Variants in UNC45A observed in about 807,000 individuals in gnomAD.
UNC45A encodes the protein protein unc-45 homolog A.
In UNC45A, 78 loss-of-function variants were observed where a neutral mutation model predicts 103.2. That is an observed-to-expected ratio of 0.76 (90% CI 0.63 to 0.91). The LOEUF (loss-of-function observed/expected upper bound fraction) is 0.91, where lower values mean the gene tolerates loss of function less well. UNC45A is among the 40% of genes least tolerant of loss of function. The pLI, the probability that UNC45A is intolerant of heterozygous loss-of-function variation, is 0.00. For missense variants in UNC45A, 1,193 were observed against 1,224.8 expected, an observed-to-expected ratio of 0.97 and a Z score of 0.39; for synonymous variants, 495 against 504.6, an observed-to-expected ratio of 0.98 and a Z score of 0.25.
rs2037072329 is a variant in UNC45A, at chr15:90,953,832, C to T, written c.*116C>T. The stretch of plus-strand genomic sequence containing the variant: ...GGCATGCCCAATACTCTTGCCCATC[C>T]TCGCTTGCTGCCCTAGGATGTCCTC... On this transcript the variant is annotated 3_prime_UTR_variant, in exon 20 of 20. Coordinates refer to ENST00000418476, the MANE Select transcript of UNC45A (RefSeq NM_018671.5). 1 of 1,421,808 alleles carries T rather than the reference C, an allele frequency of 7.0e-7. No individual in the cohort carries two copies. The allele number at this position is 1,421,808 out of a possible 1,614,324, so 88.1% of individuals were successfully genotyped here.
intron 15 of UNC45A, 136 bp downstream of exon 15, chr15:90,949,856 TGAGA>T (rs952442859): frequency 1.0e-6 from 1 of 970,360 alleles, no homozygotes; most frequent in African/African-American, 1.6e-5. Flanking sequence ...ACCGTCCCGC[TGAGA>T]GAGTGACGCG....
At chr15:90,949,924 C>A in intron 15 of UNC45A, 1 of 671,942 alleles carries the variant, frequency 1.5e-6, no homozygotes, top group Non-Finnish European at 2.5e-6. Context: ...AGGTCCTAGG[C>A]TCTACTGTTC....
At chr15:90,947,433 C>T in intron 10 of UNC45A, 1 of 296,104 alleles carries the variant, frequency 3.4e-6, no homozygotes, top group Non-Finnish European at 6.5e-6. Context: ...AAGGATTTGG[C>T]TGTGGCTGAA....
At position 90,949,997 on chromosome 15, in the gene UNC45A, G is replaced by GT. The variant is rs2036804599; in HGVS notation, c.2074-156dup. 9 of 712,788 alleles carry GT rather than the reference G, an allele frequency of 1.3e-5. No homozygotes were observed. In the South Asian group the frequency reaches 1.6e-4, roughly 13 times the overall value. 44.2% of individuals were successfully genotyped at this position (712,788 alleles called of 1,614,324 possible). On this transcript the variant is annotated intron_variant, in intron 15 of 19. Coordinates refer to ENST00000418476, the MANE Select transcript of UNC45A (RefSeq NM_018671.5). ...ACAATCCATGTCCAGCCCTTATTAG[G>GT]TGTTTCAGGAAGTGTTTGGATGCAG... is the stretch of plus-strand genomic sequence containing the variant.
At chr15:90,935,091 C>T (rs993789127), upstream of UNC45A, 2 of 580,300 alleles carry the variant, frequency 3.4e-6, no homozygotes, top group Non-Finnish European at 6.1e-6. Flanking sequence ...CCGCCGCGAG[C>T]TCCCTGCAGG....
chr15:90,939,690 C>T lies in UNC45A; in HGVS notation c.427-41C>T, dbSNP rs561753847. On this transcript the variant is annotated intron_variant, in intron 4 of 19. Coordinates refer to ENST00000418476, the MANE Select transcript of UNC45A (RefSeq NM_018671.5). ...GAATAGGGAGTGTGATGTCTCTGGC[C>T]AAGAGCCGTGATTTGTTCCATGCTT... 9.3e-5 allele frequency: 149 copies of T among 1,607,444 alleles called. 1 individual carries two copies. The South Asian group carries it at 1.2e-3, about 13-fold the overall frequency.
chr15:90,946,587 T>G, intron 9 of UNC45A, 27 bp from the exon 10 acceptor site: 1 of 1,571,214 alleles, frequency 6.4e-7, no homozygotes, highest in Admixed American at 1.8e-5. Context: ...GGCCTTGGTG[T>G]GACGGCTGTC....
chr15:90,948,057 A>G, intron 11 of UNC45A, 85 bp from the exon 12 acceptor site: 1 of 1,583,522 alleles, frequency 6.3e-7, no homozygotes. Context: ...GGGATGCCCA[A>G]ACCCTTGGTT....
intron 8 of UNC45A, 74 bp downstream of exon 8, chr15:90,943,156 T>C: frequency 6.6e-7 from 1 of 1,505,304 alleles, no homozygotes; most frequent in Non-Finnish European, 8.9e-7. Flanking sequence ...TAAGAAAAGT[T>C]GTGAGTGGGG....
chr15:90,940,069 C>T (rs770254742), intron 5 of UNC45A, among the ~76,000 whole-genome samples: 2 of 152,262 alleles, frequency 1.3e-5, no homozygotes, highest in Non-Finnish European at 2.9e-5. Flanking sequence ...AACTGAGGCA[C>T]TGTCCCAGCC....
intron 3 of UNC45A, 39 bp downstream of exon 3, chr15:90,936,021 T>C: frequency 1.9e-6 from 3 of 1,612,684 alleles, no homozygotes; most frequent in Non-Finnish European, 2.5e-6. Flanking sequence ...GCTGTAGGGC[T>C]TCTGTGGTGG....
intron 1 of UNC45A, 51 bp from the exon 2 acceptor site, chr15:90,935,493 G>A (rs760333448): frequency 8.3e-6 from 13 of 1,572,462 alleles, no homozygotes; most frequent in Non-Finnish European, 2.6e-6. Flanking sequence ...CTTAGCTCCC[G>A]GGCTCTGCCC....
intron 3 of UNC45A, 73 bp from the exon 4 acceptor site, chr15:90,936,212 A>G (rs2036010118): frequency 6.5e-7 from 1 of 1,545,392 alleles, no homozygotes; most frequent in Admixed American, 2.1e-5. Flanking sequence ...CCTTTCCTCG[A>G]GATCTTTCCC....
In UNC45A at chr15:90,935,367, AC is replaced by A; in HGVS notation, c.48del (p.Ala18ProfsTer85). 6.3e-7 allele frequency: 1 copy of A among 1,585,346 alleles called. No homozygotes were observed. Reference sequence around the variant, plus strand: ...AGGGACCCCCGAGCCCCGGCCGGCCACCCCCGGGGTGCGTACCCAACCCCCG... The same window carrying A: ...AGGGACCCCCGAGCCCCGGCCGGCCACCCCGGGGTGCGTACCCAACCCCCG... ...GPGTPEPRPATPGASSVEQLR... is the reference protein window; with the variant it reads ...GPGTPEPRPAXPGASSVEQLR... On this transcript the variant is annotated frameshift_variant, in exon 1 of 20. Transcript: ENST00000418476. LOFTEE classifies it high-confidence loss of function.
chr15:90,932,458 TCGGGG>T, upstream of UNC45A: 1 of 1,339,218 alleles, frequency 7.5e-7, no homozygotes, highest in South Asian at 2.1e-5. Context: ...GGGGGTCCCC[TCGGGG>T]TCCTTCCGCC....
chr15:90,954,070 C>T lies in UNC45A; in HGVS notation c.*354C>T. On this transcript the variant is annotated 3_prime_UTR_variant, in exon 20 of 20. Transcript: ENST00000418476. ...TGAGCCTGCTATCAGGCCTGCCCCT[C>T]CAATAAAAGTGTGTAGAACTCCACT... 1 of 319,884 alleles carries T rather than the reference C, an allele frequency of 3.1e-6. No individual in the cohort carries two copies. The highest frequency in any genetic ancestry group is 6.1e-6 in the Non-Finnish European group (1 of 164,868). 19.8% of individuals were successfully genotyped at this position (319,884 alleles called of 1,614,324 possible).
In UNC45A at chr15:90,947,851, C is replaced by A. The variant is rs555216667; in HGVS notation, c.1556C>A (p.Ala519Asp). The A allele has an allele frequency of 5.3e-5, 86 of 1,614,102 alleles. 1 individual carries two copies. In the South Asian group the frequency reaches 9.0e-4, roughly 17 times the overall value. The part of the protein sequence containing the change: ...GGTDFSMKQF[A>D]EGSTLKLAKQ... ...ACTGACTTCAGCATGAAGCAGTTTG[C>A]TGAAGGCTCCACTCTCAAACTGGCT... Residue 519 changes from alanine (A) to aspartate (D), a missense_variant, in exon 11 of 20, where the codon GCT (alanine) becomes GAT (aspartate). Coordinates refer to ENST00000418476, the MANE Select transcript of UNC45A (RefSeq NM_018671.5).
chr15:90,938,795 C>G (rs2036143153), intron 4 of UNC45A, among the ~76,000 whole-genome samples: 1 of 152,142 alleles, frequency 6.6e-6, no homozygotes, highest in African/African-American at 2.4e-5. Flanking sequence ...CTTCAGCCTC[C>G]CGAGTAGCTG....
At chr15:90,932,347 TGA>T, upstream of UNC45A, 1 of 889,218 alleles carries the variant, frequency 1.1e-6, no homozygotes, top group Middle Eastern at 3.2e-4. Context: ...AGGTGCTCAA[TGA>T]GGTGCACGCC....
Sources: gnomAD v4.1 joint callset for allele counts (sites outside exome capture counted in the v4.1 genomes callset) on GRCh38, gnomAD v4.1.1 for gene constraint, MANE v1.5 for transcripts, NCBI Gene and HGNC (gene_info 2026-07-23, HGNC 2026-07-21) for gene names.